Variants in MORN1 observed in about 807,000 individuals in gnomAD.
The protein encoded by MORN1 is MORN repeat-containing protein 1.
A neutral mutation model predicts 61.9 loss-of-function variants in MORN1; 67 were observed. The ratio of observed to expected loss-of-function variants is 1.08; its 90% CI spans 0.89 to 1.33. The LOEUF is 1.33. Among genes scored for constraint, MORN1 ranks in the 40% most tolerant of loss-of-function variants. MORN1 has a pLI of 0.00. For synonymous variants in MORN1, 301 were observed against 292.0 expected, an observed-to-expected ratio of 1.03 and a Z score of -0.31; for missense variants, 752 against 691.2, an observed-to-expected ratio of 1.09 and a Z score of -0.99.
chr1:2,383,671 G>A (rs986167351), intron 6 of MORN1, among the ~76,000 whole-genome samples: 2 of 152,216 alleles, frequency 1.3e-5, no homozygotes, highest in African/African-American at 4.8e-5. Context: ...GCTGCGTTTA[G>A]AGACCTGCAC....
At chr1:2,391,362 C>T in intron 1 of MORN1, 96 bp downstream of exon 1, 2 of 1,221,714 alleles carry the variant, frequency 1.6e-6, no homozygotes, top group Non-Finnish European at 2.1e-6. Context: ...CTCTACTTTC[C>T]GAGGTGAGCA....
chr1:2,364,507 G>A (rs1232070785), intron 8 of MORN1, among the ~76,000 whole-genome samples: 1 of 144,158 alleles, frequency 6.9e-6, no homozygotes, highest in Non-Finnish European at 1.5e-5. Context: ...CCATTTTGTG[G>A]GTTGCCTGTT....
chr1:2,323,909 A>G (rs1005604501), intron 13 of MORN1, 188 bp downstream of exon 13: 5 of 984,780 alleles, frequency 5.1e-6, no homozygotes, highest in Non-Finnish European at 4.8e-6. Flanking sequence ...CCAGCCCCCA[A>G]GCCACCAGCC....
intron 1 of MORN1, chr1:2,390,749 G>A (rs1642631689): frequency 9.1e-6 from 9 of 983,944 alleles, no homozygotes; most frequent in Non-Finnish European, 1.1e-5. Flanking sequence ...ATCAAAACCT[G>A]CTCTTTTTTT....
intron 7 of MORN1, 32 bp downstream of exon 7, chr1:2,374,429 C>T: frequency 1.3e-6 from 2 of 1,538,016 alleles, no homozygotes; most frequent in East Asian, 2.4e-5. Context: ...CAGTGGACCT[C>T]ACAGTGCCCA....
At chr1:2,322,943 G>A (rs561175962) in intron 13 of MORN1, 3 of 985,462 alleles carry the variant, frequency 3.0e-6, no homozygotes, top group Admixed American at 1.2e-4. Context: ...CCCTGGGCCA[G>A]CTCTCACTTA....
intron 6 of MORN1, chr1:2,378,639 G>T (rs12032766): frequency 8.7e-5 from 26 of 297,188 alleles, no homozygotes; most frequent in South Asian, 8.1e-4. Flanking sequence ...TACAGCCAGG[G>T]ATGCCCGGAG....
rs745407103 is a variant in MORN1, at chr1:2,336,511, C to T, written c.1208G>A (p.Arg403Lys). The T allele has an allele frequency of 2.0e-5, 32 of 1,612,678 alleles. No homozygotes were observed. In the South Asian group the frequency reaches 3.2e-4, roughly 16 times the overall value. The change falls in exon 12 of 14, where the codon AGG (arginine) becomes AAG (lysine). Residue 403 changes from arginine to lysine, a missense_variant. Transcript: ENST00000378531. ...GGRSRGGLHP[R>K]GTPPTAQEPP... Reference sequence around the variant, plus strand: ...CTCCTGTGCCGTGGGTGGTGTCCCCCTGGGGTGCAGGCCGCCTCTGGATCT... The same window carrying T: ...CTCCTGTGCCGTGGGTGGTGTCCCCTTGGGGTGCAGGCCGCCTCTGGATCT...
chr1:2,389,844 C>T, intron 2 of MORN1, 81 bp downstream of exon 2: 3 of 1,297,204 alleles, frequency 2.3e-6, no homozygotes, highest in South Asian at 1.2e-5. Context: ...ATGCCACTTG[C>T]CCACCCAACC....
At chr1:2,385,367 C>A in intron 5 of MORN1, 3 of 488,224 alleles carry the variant, frequency 6.1e-6, no homozygotes, top group South Asian at 4.6e-5. Context: ...GCAGTCTCCA[C>A]AGCCAGTGAG....
At chr1:2,349,102 C>T (rs1204576217) in intron 10 of MORN1, among the ~76,000 whole-genome samples, 2 of 152,210 alleles carry the variant, frequency 1.3e-5, no homozygotes, top group East Asian at 1.9e-4. Flanking sequence ...TTGGGCCCAA[C>T]GCCCAGAGCA....
chr1:2,335,464 C>A (rs1448901315), intron 12 of MORN1, among the ~76,000 whole-genome samples: 1 of 152,174 alleles, frequency 6.6e-6, no homozygotes, highest in Non-Finnish European at 1.5e-5. Flanking sequence ...ATGCCTGGAG[C>A]CCTCCTCTGC....
chr1:2,338,625 C>T (rs1434476109), intron 10 of MORN1, among the ~76,000 whole-genome samples: 1 of 152,214 alleles, frequency 6.6e-6, no homozygotes, highest in Non-Finnish European at 1.5e-5. Context: ...CCTCCACCTG[C>T]CACGTGCCAT....
Position 2,372,787 on chromosome 1 carries a change from G to C in MORN1, c.635-196C>G, listed in dbSNP as rs1261543650. 6.6e-6 allele frequency among the ~76,000 whole-genome samples: 1 copy of C among 152,246 alleles called. No homozygotes were observed. Among genetic ancestry groups the C allele is most frequent in the African/African-American group, 2.4e-5 (1 of 41,474 alleles). On this transcript the variant is annotated intron_variant, in intron 7 of 13. Coordinates refer to ENST00000378531, the MANE Select transcript of MORN1 (RefSeq NM_024848.3). This position sits in a 1 kb window ranked among gnomAD's most constrained non-coding sequence, Gnocchi z 5.4. ...CTGGGCAGTCGTCCACACTCAGACC[G>C]TGAGGCTCGGCTCTGCTGGCCTGGA...
At chr1:2,391,361 C>G in intron 1 of MORN1, 97 bp downstream of exon 1, 5 of 1,221,276 alleles carry the variant, frequency 4.1e-6, no homozygotes, top group Non-Finnish European at 4.1e-6. Context: ...CCTCTACTTT[C>G]CGAGGTGAGC....
At chr1:2,355,046 GA>G in intron 10 of MORN1, 1 of 528,384 alleles carries the variant, frequency 1.9e-6, no homozygotes, top group South Asian at 8.0e-5. Flanking sequence ...CCCCAGGTAG[GA>G]TCCGCCCCAG....
intron 5 of MORN1, 24 bp downstream of exon 5, chr1:2,385,783 A>G: frequency 6.2e-7 from 1 of 1,604,814 alleles, no homozygotes; most frequent in Middle Eastern, 1.7e-4. Context: ...TGCGCCAGGC[A>G]GTACCCACAA....
At chr1:2,331,218 G>A (rs1469557228) in intron 12 of MORN1, among the ~76,000 whole-genome samples, 2 of 152,182 alleles carry the variant, frequency 1.3e-5, no homozygotes, top group Admixed American at 6.5e-5. Flanking sequence ...CAGATTCAGC[G>A]GCTGGCGCAG....
Position 2,372,375 on chromosome 1 carries a change from C to A in MORN1, c.745+106G>T, listed in dbSNP as rs1642141713. The A allele has an allele frequency of 8.3e-6, 7 of 846,284 alleles. No individual in the cohort carries two copies. The South Asian group carries it at 1.2e-4, about 14-fold the overall frequency. The allele number at this position is 846,284 out of a possible 1,614,324, so 52.4% of individuals were successfully genotyped here. A position where few individuals can be genotyped will look rare whatever the true frequency, so the allele number is the denominator to read the frequency against. ...CTCTGGGCACGAAGTCACTGCTGTG[C>A]CTCAGGAGCCACATGCAACATCTCG... On this transcript the variant is annotated intron_variant, in intron 8 of 13. Coordinates refer to ENST00000378531, the MANE Select transcript of MORN1 (RefSeq NM_024848.3). This position sits in a 1 kb window ranked among gnomAD's most constrained non-coding sequence, Gnocchi z 5.4.
Sources: allele counts gnomAD v4.1 joint callset (sites outside exome capture counted in the v4.1 genomes callset), GRCh38; gene constraint gnomAD v4.1.1; non-coding constraint Gnocchi (gnomAD v3.1); transcripts MANE v1.5; gene names NCBI Gene and HGNC (gene_info 2026-07-23, HGNC 2026-07-21).